Variants in GDPD3 observed in about 807,000 individuals in gnomAD.
GDPD3 encodes the protein glycerophosphodiester phosphodiesterase domain containing 3, also known as lysophospholipase D GDPD3.
A neutral mutation model predicts 43.7 loss-of-function variants in GDPD3; 40 were observed. That is an observed-to-expected ratio of 0.91 (90% CI 0.71 to 1.19). The LOEUF (loss-of-function observed/expected upper bound fraction) is 1.19, where lower values mean the gene tolerates loss of function less well. GDPD3 is among the 50% of genes most tolerant of loss of function. GDPD3 has a pLI of 0.00. For missense variants in GDPD3, 363 were observed against 415.8 expected (o/e 0.87, Z 1.11); for synonymous variants, 145 against 162.9 (o/e 0.89, Z 0.84).
chr16:30,109,611 A>C (rs2151040800), intron 7 of GDPD3, among the ~76,000 whole-genome samples: 1 of 152,004 alleles, frequency 6.6e-6, no homozygotes, highest in East Asian at 2.0e-4. Context: ...GTTCAAGACC[A>C]CCCTGACCAA....
At chr16:30,111,794 G>A (rs555906533) in intron 6 of GDPD3, 40 of 520,914 alleles carry the variant, frequency 7.7e-5, no homozygotes, top group Admixed American at 2.4e-4. Context: ...TTAGCTGGGC[G>A]TGGTGGCGTG....
chr16:30,111,393 G>C lies in GDPD3; in HGVS notation c.702C>G (p.Ile234Met). 1 of 1,613,846 alleles carries C rather than the reference G, an allele frequency of 6.2e-7. No individual in the cohort carries two copies. The highest frequency in any genetic ancestry group is 8.5e-7 in the Non-Finnish European group (1 of 1,179,882). ...GGTCCGCCCCCCACTGGTACCTGTT[G>C]ATGATGTTGGGCAGGAAGCAGAAGA... ...KFFFCFLPNI[I>M]NRTYFPFSCS... The change falls in exon 7 of 10, where the codon ATC (isoleucine) becomes ATG (methionine). Residue 234 changes from isoleucine to methionine, a missense_variant. By Grantham distance (10) the Ile-to-Met change is conservative. Coordinates refer to ENST00000406256, the MANE Select transcript of GDPD3 (RefSeq NM_024307.3).
Position 30,112,750 on chromosome 16 carries a change from G to T in GDPD3, c.226C>A (p.Leu76Met), listed in dbSNP as rs1216465758. Residue 76 changes from leucine (L) to methionine (M), a missense_variant, in exon 3 of 10, where the codon CTG becomes ATG. Transcript: ENST00000406256. This position sits in a 1 kb window ranked among gnomAD's most constrained non-coding sequence, Gnocchi z 5.4. ...RSDLLELDCQ[L>M]TRDRVVVVSH... is the part of the protein sequence containing the mutation. ...ACCACCACCACTCTGTCCCGTGTCA[G>T]CTGACAGTCGAGCTCCAGGAGGTCC... The T allele has an allele frequency of 6.2e-7, 1 of 1,612,568 alleles. No homozygotes were observed. The highest frequency in any genetic ancestry group is 8.5e-7 in the Non-Finnish European group (1 of 1,179,958).
intron 9 of GDPD3, chr16:30,107,948 C>A (rs111886971): frequency 5.8e-5 from 15 of 256,898 alleles, no homozygotes; most frequent in African/African-American, 3.4e-4. Flanking sequence ...CGAGATTGCA[C>A]CACTGCACTC....
Position 30,108,631 on chromosome 16 carries a change from G to A in GDPD3, c.708-199C>T, listed in dbSNP as rs561669098. 4 of 565,210 alleles carry A rather than the reference G, an allele frequency of 7.1e-6. No individual in the cohort carries two copies. The South Asian group carries it at 8.0e-5, about 11-fold the overall frequency. The allele number at this position is 565,210 out of a possible 1,614,324, so 35.0% of individuals were successfully genotyped here. On this transcript the variant is annotated intron_variant, in intron 7 of 9. Transcript: ENST00000406256. ...CTACTCTGACCACCACGCTTCAAGG[G>A]TGTGGCCCTCCAGTCACCATTCACC...
In GDPD3 at chr16:30,112,884, G is replaced by A. The variant is rs2072914957; in HGVS notation, c.183-91C>T. Reference sequence around the variant, plus strand: ...AGGTGGCCGGGAATGTGAGAGCGGAGTTCGTGGCGGGATGTGCAGGCCACC... The same window carrying A: ...AGGTGGCCGGGAATGTGAGAGCGGAATTCGTGGCGGGATGTGCAGGCCACC... On this transcript the variant is annotated intron_variant, in intron 2 of 9. Coordinates refer to ENST00000406256, the MANE Select transcript of GDPD3 (RefSeq NM_024307.3). This position sits in a 1 kb window ranked among gnomAD's most constrained non-coding sequence, Gnocchi z 5.4. 2 of 1,531,652 alleles carry A rather than the reference G, an allele frequency of 1.3e-6. No individual in the cohort carries two copies. Among genetic ancestry groups the A allele is most frequent in the Admixed American group, 1.7e-5 (1 of 58,348 alleles). The allele number at this position is 1,531,652 out of a possible 1,614,324, so 94.9% of individuals were successfully genotyped here.
chr16:30,110,432 AAC>A (rs1043468037), intron 7 of GDPD3: 17 of 152,118 alleles, frequency 1.1e-4, no homozygotes, highest in African/African-American at 3.6e-4. Flanking sequence ...CTCCTCAAAA[AAC>A]ACAAAAAAAA....
intron 7 of GDPD3, 138 bp downstream of exon 7, chr16:30,111,250 T>TG: frequency 1.1e-6 from 1 of 934,644 alleles, no homozygotes; most frequent in Non-Finnish European, 1.6e-6. Flanking sequence ...TCATGAATGC[T>TG]GGGTAAGAAC....
chr16:30,107,317 A>G (rs559299639), intron 9 of GDPD3, among the ~76,000 whole-genome samples: 1 of 152,182 alleles, frequency 6.6e-6, no homozygotes, highest in Admixed American at 6.5e-5. Flanking sequence ...TATGTTGCCC[A>G]GGCTGGTCTT....
chr16:30,109,534 C>T (rs566860954), intron 7 of GDPD3, among the ~76,000 whole-genome samples: 77 of 151,748 alleles, frequency 5.1e-4, no homozygotes, highest in African/African-American at 1.8e-3. Context: ...TGGCCGGGCG[C>T]GGTGGTTCAC....
At chr16:30,106,637 T>G (rs564296918) in intron 9 of GDPD3, among the ~76,000 whole-genome samples, 67 of 152,274 alleles carry the variant, frequency 4.4e-4, no homozygotes, top group Non-Finnish European at 7.6e-4. Context: ...GCTCAAGTGA[T>G]CCTCCCACCT....
chr16:30,112,200 A>AGC lies in GDPD3; in HGVS notation c.503_504dup (p.Tyr169AlafsTer18). ...CAGATGGTGATTTCATTACGGTCAT[A>AGC]GCGTCTCACCAAGCCTGCTATCTGG... On this transcript the variant is annotated frameshift_variant, in exon 6 of 10. Coordinates refer to ENST00000406256, the MANE Select transcript of GDPD3 (RefSeq NM_024307.3). LOFTEE classifies it high-confidence loss of function. This position sits in a 1 kb window ranked among gnomAD's most constrained non-coding sequence, Gnocchi z 5.4. 6.2e-7 allele frequency: 1 copy of AGC among 1,614,118 alleles called. No homozygotes were observed. The highest frequency in any genetic ancestry group is 8.5e-7 in the Non-Finnish European group (1 of 1,180,018).
At position 30,113,106 on chromosome 16, in the gene GDPD3, AG is replaced by A. The variant is rs1364188146; in HGVS notation, c.140-43del. 5 of 1,576,234 alleles carry A rather than the reference AG, an allele frequency of 3.2e-6. No individual in the cohort carries two copies. Among genetic ancestry groups the A allele is most frequent in the Non-Finnish European group, 3.5e-6 (4 of 1,148,650 alleles). On this transcript the variant is annotated intron_variant, in intron 1 of 9. Coordinates refer to ENST00000406256, the MANE Select transcript of GDPD3 (RefSeq NM_024307.3). This position sits in a 1 kb window ranked among gnomAD's most constrained non-coding sequence, Gnocchi z 5.9. ...AGTGGGCCTCTGGGGCTTGGGGTCTAGGGGCCTGGCCCAACCTCATCACCCA... is the reference window on the plus strand; with the variant it reads ...AGTGGGCCTCTGGGGCTTGGGGTCTAGGGCCTGGCCCAACCTCATCACCCA...
Position 30,113,461 on chromosome 16 carries a change from G to A in GDPD3, c.18C>T (p.Tyr6=), listed in dbSNP as rs1247521291. ...AGCTGCCCAGGGCAGGGAGGGCATA[G>A]TACAGCAAAAGGCTCATGACCGTAC... MSLLL[Y]YALPALGSYA... is the part of the protein sequence containing the mutation. The change falls in exon 1 of 10, where the codon TAC becomes TAT. Residue 6 remains tyrosine (Y), a synonymous_variant. Coordinates refer to ENST00000406256, the MANE Select transcript of GDPD3 (RefSeq NM_024307.3). This position sits in a 1 kb window ranked among gnomAD's most constrained non-coding sequence, Gnocchi z 5.9. 6.3e-7 allele frequency: 1 copy of A among 1,598,002 alleles called. No individual in the cohort carries two copies. Among genetic ancestry groups the A allele is most frequent in the Admixed American group, 1.7e-5 (1 of 57,732 alleles).
In GDPD3 at chr16:30,112,933, C is replaced by G; in HGVS notation, c.182+89G>C. On this transcript the variant is annotated intron_variant, in intron 2 of 9. Coordinates refer to ENST00000406256, the MANE Select transcript of GDPD3 (RefSeq NM_024307.3). This position sits in a 1 kb window ranked among gnomAD's most constrained non-coding sequence, Gnocchi z 5.4. Reference sequence around the variant, plus strand: ...CCTCCAGGGGGCGCCAGTCACCCAGCTAGGAAGTGAATGGCGTCCCTTGCT... The same window carrying G: ...CCTCCAGGGGGCGCCAGTCACCCAGGTAGGAAGTGAATGGCGTCCCTTGCT... The G allele has an allele frequency of 1.3e-6, 2 of 1,495,572 alleles. No homozygotes were observed. The highest frequency in any genetic ancestry group is 1.9e-6 in the Non-Finnish European group (2 of 1,077,694). The allele number at this position is 1,495,572 out of a possible 1,614,324, so 92.6% of individuals were successfully genotyped here.
At position 30,111,619 on chromosome 16, in the gene GDPD3, C is replaced by T. The variant is rs1008057848; in HGVS notation, c.574-98G>A. ...AGCCGTGGTGGGCATTCCAGAGGCCCTACTACCTGCAGGATCCAAGTCACA... is the reference window on the plus strand; with the variant it reads ...AGCCGTGGTGGGCATTCCAGAGGCCTTACTACCTGCAGGATCCAAGTCACA... On this transcript the variant is annotated intron_variant, in intron 6 of 9. Coordinates refer to ENST00000406256, the MANE Select transcript of GDPD3 (RefSeq NM_024307.3). 6 of 1,320,988 alleles carry T rather than the reference C, an allele frequency of 4.5e-6. No homozygotes were observed. The African/African-American group carries it at 7.3e-5, about 16-fold the overall frequency. The allele number at this position is 1,320,988 out of a possible 1,614,324, so 81.8% of individuals were successfully genotyped here. A position where few individuals can be genotyped will look rare whatever the true frequency, so the allele number is the denominator to read the frequency against.
rs748405421 is a variant in GDPD3, at chr16:30,112,826, C to CAGGGGA, written c.183-39_183-34dup. 1.3e-4 allele frequency: 210 copies of CAGGGGA among 1,600,408 alleles called. No homozygotes were observed. The highest frequency in any genetic ancestry group is 1.7e-4 in the Non-Finnish European group (200 of 1,176,516). ...GGTGAAGGTCAGCGGGGGGCAGGGG[C>CAGGGGA]AGGGGACTGGGATGAGGGGCATGGT... On this transcript the variant is annotated intron_variant, in intron 2 of 9. Transcript: ENST00000406256. The surrounding 1 kb of genome is among the most constrained non-coding windows in gnomAD (Gnocchi z 5.4).
intron 9 of GDPD3, 63 bp downstream of exon 9, chr16:30,108,150 A>G: frequency 1.4e-6 from 2 of 1,427,654 alleles, no homozygotes; most frequent in African/African-American, 1.4e-5. Flanking sequence ...AGTTGGCAGC[A>G]GAGTGGGACC....
rs1317142410 is a variant in GDPD3, at chr16:30,113,497, G to C, written c.-19C>G. ...GGCTCATGACCGTACTCCCACAGAA[G>C]CTCCTGCAGCCACACGCTCAGCCGT... On this transcript the variant is annotated 5_prime_UTR_variant, in exon 1 of 10. Coordinates refer to ENST00000406256, the MANE Select transcript of GDPD3 (RefSeq NM_024307.3). This position sits in a 1 kb window ranked among gnomAD's most constrained non-coding sequence, Gnocchi z 5.9. 1 of 1,524,292 alleles carries C rather than the reference G, an allele frequency of 6.6e-7. No homozygotes were observed. Among genetic ancestry groups the C allele is most frequent in the South Asian group, 1.3e-5 (1 of 79,896 alleles). 94.4% of individuals were successfully genotyped at this position (1,524,292 alleles called of 1,614,324 possible).
Sources: allele counts gnomAD v4.1 joint callset (sites outside exome capture counted in the v4.1 genomes callset), GRCh38; gene constraint gnomAD v4.1.1; non-coding constraint Gnocchi (gnomAD v3.1); transcripts MANE v1.5; gene names NCBI Gene and HGNC (gene_info 2026-07-23, HGNC 2026-07-21).